PLOD2: variants seen among roughly 807,000 people sequenced by gnomAD.
The protein encoded by PLOD2 is procollagen-lysine,2-oxoglutarate 5-dioxygenase 2, also known as lysine hydroxylase 2.
PLOD2 carries 65 observed loss-of-function variants against 101.0 expected under a neutral mutation model. The ratio of observed to expected loss-of-function variants is 0.64; its 90% CI spans 0.53 to 0.79. PLOD2 has a LOEUF of 0.79. PLOD2 is among the 30% of genes least tolerant of loss of function. The pLI is 0.00. For synonymous variants in PLOD2, 314 were observed against 302.9 expected (o/e 1.04, Z -0.38); for missense variants, 909 against 914.6 (o/e 0.99, Z 0.08).
intron 1 of PLOD2, among the ~76,000 whole-genome samples, chr3:146,132,687 G>C (rs2030988098): frequency 6.6e-6 from 1 of 151,992 alleles, no homozygotes; most frequent in Admixed American, 6.6e-5. Context: ...ACCCAATAGT[G>C]AATGTTTGAC....
chr3:146,092,318 T>C (rs1019322044), intron 7 of PLOD2, among the ~76,000 whole-genome samples: 5 of 152,122 alleles, frequency 3.3e-5, no homozygotes, highest in African/African-American at 1.2e-4. Context: ...CACAGACACC[T>C]ACAGTAAATG....
intron 5 of PLOD2, chr3:146,105,314 C>T (rs1937517590): frequency 6.6e-6 from 1 of 152,208 alleles, no homozygotes; most frequent in South Asian, 2.1e-4. Flanking sequence ...GCTCTAACCT[C>T]TTAGGGATTT....
rs771612190 is a variant in PLOD2, at chr3:146,076,887, A to G, written c.1572T>C (p.Phe524=). The change falls in exon 15 of 20, where the codon TTT becomes TTC. Residue 524 remains phenylalanine (F), a synonymous_variant. Transcript: ENST00000282903. ...ATTCATGTCTATTAGAAATGTACATAAATACACCCTATATGCCAGAAAATA... is the reference window on the plus strand; with the variant it reads ...ATTCATGTCTATTAGAAATGTACATGAATACACCCTATATGCCAGAAAATA... ...FQMLSPPKGV[F]MYISNRHEFG... 3 of 1,531,696 alleles carry G rather than the reference A, an allele frequency of 2.0e-6. No homozygotes were observed. In the South Asian group the frequency reaches 3.4e-5, roughly 17 times the overall value. The allele number at this position is 1,531,696 out of a possible 1,614,324, so 94.9% of individuals were successfully genotyped here. A position where few individuals can be genotyped will look rare whatever the true frequency, so the allele number is the denominator to read the frequency against.
In PLOD2 at chr3:146,161,104, C is replaced by G. The variant is rs2108158231; in HGVS notation, c.-115G>C. The G allele has an allele frequency of 3.4e-6, 2 of 585,938 alleles. No individual in the cohort carries two copies. The highest frequency in any genetic ancestry group is 5.3e-6 in the Non-Finnish European group (2 of 380,274). 36.3% of individuals were successfully genotyped at this position (585,938 alleles called of 1,614,324 possible). A position where few individuals can be genotyped will look rare whatever the true frequency, so the allele number is the denominator to read the frequency against. On this transcript the variant is annotated 5_prime_UTR_variant, in exon 1 of 20. Transcript: ENST00000282903. Reference sequence around the variant, plus strand: ...TGAGCCGCCGATTGCGGGCGGGAGCCGGCGGGCAAGGCGCGCGGCCGGCAG... The same window carrying G: ...TGAGCCGCCGATTGCGGGCGGGAGCGGGCGGGCAAGGCGCGCGGCCGGCAG...
At chr3:146,119,224 G>T (rs758006643) in intron 3 of PLOD2, among the ~76,000 whole-genome samples, 11 of 152,010 alleles carry the variant, frequency 7.2e-5, no homozygotes, top group Non-Finnish European at 1.5e-5. Context: ...CCAATCATGT[G>T]AGACCTTCAT....
At chr3:146,115,034 T>C (rs1160152235) in intron 3 of PLOD2, among the ~76,000 whole-genome samples, 1 of 152,188 alleles carries the variant, frequency 6.6e-6, no homozygotes, top group Non-Finnish European at 1.5e-5. Flanking sequence ...AAAAACTTGC[T>C]GGTTTTGCGG....
At chr3:146,079,803 A>G (rs2108007373) in intron 12 of PLOD2, among the ~76,000 whole-genome samples, 1 of 152,164 alleles carries the variant, frequency 6.6e-6, no homozygotes, top group Admixed American at 6.6e-5. Context: ...CAGTTGTTAC[A>G]CATTTACCAA....
chr3:146,080,977 C>T (rs1936520685), intron 12 of PLOD2, among the ~76,000 whole-genome samples: 2 of 151,952 alleles, frequency 1.3e-5, no homozygotes, highest in African/African-American at 4.8e-5. Context: ...AATGTAAGGG[C>T]ACATCCTTTT....
rs542468496 is a variant in PLOD2, at chr3:146,093,133, T to C, written c.778-1232A>G. Among the ~76,000 whole-genome samples, 20 of 152,280 alleles carry C rather than the reference T, an allele frequency of 1.3e-4. No homozygotes were observed. The South Asian group carries it at 2.9e-3, about 22-fold the overall frequency. On this transcript the variant is annotated intron_variant, in intron 7 of 19. Transcript: ENST00000282903. ...TTAAAGTGTGGAATACATGAAGTAG[T>C]TGGGTACCATTTTGCCAGATTCCTC...
chr3:146,146,805 C>G (rs746903885), intron 1 of PLOD2, among the ~76,000 whole-genome samples: 6 of 152,186 alleles, frequency 3.9e-5, no homozygotes, highest in Non-Finnish European at 8.8e-5. Flanking sequence ...TTTGCTAAAG[C>G]CCATTCTTCC....
At chr3:146,153,589 TTC>T (rs2032164904) in intron 1 of PLOD2, among the ~76,000 whole-genome samples, 1 of 152,186 alleles carries the variant, frequency 6.6e-6, no homozygotes, top group South Asian at 2.1e-4. Flanking sequence ...GGAGCTTTTC[TTC>T]TCCCAGGCCA....
chr3:146,096,882 G>GGGA (rs1937192000), intron 7 of PLOD2, among the ~76,000 whole-genome samples: 9 of 76,270 alleles, frequency 1.2e-4, no homozygotes, highest in East Asian at 4.7e-4. Context: ...GAGGGAGGTG[G>GGGA]GGGGGGGGAG....
At chr3:146,135,281 A>G (rs573934028) in intron 1 of PLOD2, among the ~76,000 whole-genome samples, 29 of 152,176 alleles carry the variant, frequency 1.9e-4, no homozygotes, top group Non-Finnish European at 3.1e-4. Context: ...TGAAGTTGCT[A>G]TATAAGATAT....
intron 1 of PLOD2, among the ~76,000 whole-genome samples, chr3:146,156,318 T>C (rs976516523): frequency 5.3e-5 from 8 of 152,108 alleles, no homozygotes; most frequent in Non-Finnish European, 8.8e-5. Flanking sequence ...TTCGGCAAAG[T>C]TTTTCTGTAC....
intron 2 of PLOD2, among the ~76,000 whole-genome samples, chr3:146,122,970 T>A (rs1334153396): frequency 6.6e-6 from 1 of 152,202 alleles, no homozygotes; most frequent in African/African-American, 2.4e-5. Context: ...CAGTGCATAC[T>A]GCTACATTTT....
rs1936356354 is a variant in PLOD2 at position 146,076,767 on chromosome 3, G to A, written c.1677+15C>T. 2 of 1,140,458 alleles carry A rather than the reference G, an allele frequency of 1.8e-6. No individual in the cohort carries two copies. The highest frequency in any genetic ancestry group is 2.7e-6 in the Non-Finnish European group (2 of 752,264). 70.6% of individuals were successfully genotyped at this position (1,140,458 alleles called of 1,614,324 possible). On this transcript the variant is annotated intron_variant, in intron 15 of 19. Coordinates refer to ENST00000282903, the MANE Select transcript of PLOD2 (RefSeq NM_182943.3). Reference sequence around the variant, plus strand: ...AGTTATAGAAAAATAATAAAGTTGAGTATGAAATACATACCACAGGATTTT... The same window carrying A: ...AGTTATAGAAAAATAATAAAGTTGAATATGAAATACATACCACAGGATTTT...
intron 1 of PLOD2, among the ~76,000 whole-genome samples, chr3:146,134,965 A>T (rs2031145219): frequency 6.6e-6 from 1 of 152,218 alleles, no homozygotes; most frequent in Non-Finnish European, 1.5e-5. Context: ...TTAAAAGCAG[A>T]CCTGATAAAG....
intron 8 of PLOD2, among the ~76,000 whole-genome samples, chr3:146,091,547 C>A (rs371743304): frequency 6.6e-5 from 10 of 151,882 alleles, no homozygotes; most frequent in East Asian, 1.9e-4. Flanking sequence ...AGCACTCAAT[C>A]GTAGTAAGCT....
Position 146,121,342 on chromosome 3 carries a change from G to A in PLOD2, c.202-94C>T, listed in dbSNP as rs2030134040. On this transcript the variant is annotated intron_variant, in intron 2 of 19. Transcript: ENST00000282903. ...AGACATCATCAACTTGAACAGTACT[G>A]TACCGTAACCACTCTTCTAATGTTT... The A allele has an allele frequency of 6.0e-6, 6 of 996,646 alleles. No homozygotes were observed. In the East Asian group the frequency reaches 7.2e-5, roughly 12 times the overall value. The allele number at this position is 996,646 out of a possible 1,614,324, so 61.7% of individuals were successfully genotyped here. A position where few individuals can be genotyped will look rare whatever the true frequency, so the allele number is the denominator to read the frequency against.
Sources: gnomAD v4.1 joint callset for allele counts (sites outside exome capture counted in the v4.1 genomes callset) on GRCh38, gnomAD v4.1.1 for gene constraint, MANE v1.5 for transcripts, NCBI Gene and HGNC (gene_info 2026-07-23, HGNC 2026-07-21) for gene names.